Variants in THRAP3 observed in about 807,000 individuals in gnomAD.
THRAP3 encodes the protein thyroid hormone receptor-associated protein 3.
In THRAP3, 16 loss-of-function variants were observed where a neutral mutation model predicts 101.0. The observed-to-expected ratio is 0.16, with a 90% CI of 0.11 to 0.24. The LOEUF is 0.24. THRAP3 is among the 10% of genes least tolerant of loss of function. THRAP3 has a pLI of 1.00. For synonymous variants in THRAP3, 407 were observed against 422.6 expected (o/e 0.96, Z 0.45); for missense variants, 989 against 1,202.7 (o/e 0.82, Z 2.63).
intron 2 of THRAP3, 95 bp downstream of exon 2, chr1:36,259,579 A>G (rs1161099020): frequency 2.5e-6 from 1 of 392,320 alleles, no homozygotes; most frequent in Non-Finnish European, 4.5e-6. Flanking sequence ...AGCCTATGCA[A>G]CATGGTGAGA....
intron 3 of THRAP3, among the ~76,000 whole-genome samples, chr1:36,284,254 A>G (rs951666266): frequency 4.6e-5 from 7 of 152,240 alleles, no homozygotes; most frequent in African/African-American, 1.4e-4. Context: ...GCACTTGCTC[A>G]CTGACTTGGC....
chr1:36,247,953 C>T (rs771951932), intron 1 of THRAP3, among the ~76,000 whole-genome samples: 3 of 149,220 alleles, frequency 2.0e-5, no homozygotes, highest in Non-Finnish European at 4.4e-5. Context: ...GATCTTGGCT[C>T]ACTGCAACCT....
chr1:36,210,902 T>C, the THRAP3 span, among the ~76,000 whole-genome samples: 1 of 147,662 alleles, frequency 6.8e-6, no homozygotes. Flanking sequence ...GTGGTCTAAG[T>C]GTTGGAATTT....
chr1:36,287,058 A>G lies in THRAP3; in HGVS notation c.828A>G (p.Pro276=), dbSNP rs1312073842. ...RPSPVPKPSP[P]LSSTSQMGST... ...GCCCCGTGCCAAAACCTAGTCCTCCACTTTCCAGCACATCCCAGATGGGCT... is the reference window on the plus strand; with the variant it reads ...GCCCCGTGCCAAAACCTAGTCCTCCGCTTTCCAGCACATCCCAGATGGGCT... The change falls in exon 4 of 12, where the codon CCA becomes CCG. Residue 276 remains proline, a synonymous_variant. Coordinates refer to ENST00000354618, the MANE Select transcript of THRAP3 (RefSeq NM_005119.4). The G allele has an allele frequency of 5.6e-6, 9 of 1,613,404 alleles. No homozygotes were observed. The highest frequency in any genetic ancestry group is 2.7e-5 in the African/African-American group (2 of 74,862).
Position 36,286,261 on chromosome 1 carries a change from C to T in THRAP3, c.138-107C>T. 1.7e-6 allele frequency: 2 copies of T among 1,193,046 alleles called. No individual in the cohort carries two copies. Among genetic ancestry groups the T allele is most frequent in the East Asian group, 4.8e-5 (2 of 41,750 alleles). 73.9% of individuals were successfully genotyped at this position (1,193,046 alleles called of 1,614,324 possible). On this transcript the variant is annotated intron_variant, in intron 3 of 11. Coordinates refer to ENST00000354618, the MANE Select transcript of THRAP3 (RefSeq NM_005119.4). The surrounding 1 kb of genome is among the most constrained non-coding windows in gnomAD (Gnocchi z 5.5). ...TTGTGCCCTTGCTTTGAAAACAAAA[C>T]TGAAAGTGAATGACACATAAGGGCA...
intron 1 of THRAP3, among the ~76,000 whole-genome samples, chr1:36,247,384 G>A (rs943689522): frequency 1.3e-5 from 2 of 152,030 alleles, no homozygotes; most frequent in Non-Finnish European, 2.9e-5. Context: ...GAGTGCAGTG[G>A]CGTGATCTTG....
chr1:36,248,092 C>T (rs1645253310), intron 1 of THRAP3, among the ~76,000 whole-genome samples: 2 of 152,086 alleles, frequency 1.3e-5, no homozygotes, highest in African/African-American at 2.4e-5. Context: ...GTTGGCCAAG[C>T]TGGTCTTGAA....
chr1:36,257,023 C>T (rs1645384605), intron 1 of THRAP3, among the ~76,000 whole-genome samples: 1 of 151,832 alleles, frequency 6.6e-6, no homozygotes, highest in African/African-American at 2.4e-5. Flanking sequence ...TCTTGAACTC[C>T]CGACCTCAGG....
At chr1:36,242,595 G>A (rs1306446051) in intron 1 of THRAP3, among the ~76,000 whole-genome samples, 4 of 151,980 alleles carry the variant, frequency 2.6e-5, no homozygotes, top group African/African-American at 9.7e-5. Context: ...TGGGACTACA[G>A]GCGCCAGCCA....
chr1:36,286,008 C>A lies in THRAP3; in HGVS notation c.138-360C>A, dbSNP rs775211338. Among the ~76,000 whole-genome samples, 1 of 152,146 alleles carries A rather than the reference C, an allele frequency of 6.6e-6. No individual in the cohort carries two copies. Among genetic ancestry groups the A allele is most frequent in the African/African-American group, 2.4e-5 (1 of 41,420 alleles). ...CAATGACCTGGAGCCCTGTTAAAAT[C>A]CCCGTGCCTGTGAAACTGTAAGCTA... On this transcript the variant is annotated intron_variant, in intron 3 of 11. Coordinates refer to ENST00000354618, the MANE Select transcript of THRAP3 (RefSeq NM_005119.4). The surrounding 1 kb of genome is among the most constrained non-coding windows in gnomAD (Gnocchi z 5.5).
At chr1:36,275,407 G>A (rs1213767160) in intron 2 of THRAP3, among the ~76,000 whole-genome samples, 2 of 150,240 alleles carry the variant, frequency 1.3e-5, no homozygotes, top group Non-Finnish European at 3.0e-5. Flanking sequence ...CTAACATGGC[G>A]AAACCCTGTC....
chr1:36,224,663 C>A (rs1229906982), intron 1 of THRAP3, among the ~76,000 whole-genome samples, 158 bp downstream of exon 1: 6 of 152,178 alleles, frequency 3.9e-5, no homozygotes, highest in Non-Finnish European at 7.3e-5. Context: ...GAGCGGGCTC[C>A]GTTCCCTCCG....
At chr1:36,242,871 GTTTTC>G (rs963581382) in intron 1 of THRAP3, among the ~76,000 whole-genome samples, 2 of 151,758 alleles carry the variant, frequency 1.3e-5, no homozygotes, top group African/African-American at 4.8e-5. Flanking sequence ...ATTCTCTTCT[GTTTTC>G]TTCTAAAAAT....
At chr1:36,287,814 G>C (rs1645815146) in intron 4 of THRAP3, 4 of 985,440 alleles carry the variant, frequency 4.1e-6, no homozygotes, top group Non-Finnish European at 1.2e-6. Context: ...AAGCCAACAC[G>C]GCTGCGTGTT....
chr1:36,210,703 G>GTATATA, the THRAP3 span, among the ~76,000 whole-genome samples: 8 of 2,718 alleles, frequency 2.9e-3, no homozygotes, highest in South Asian at 0.024. Flanking sequence ...AAAAAAAAAA[G>GTATATA]TATATATATA....
chr1:36,285,459 G>A (rs932859558), intron 3 of THRAP3, among the ~76,000 whole-genome samples: 5 of 152,060 alleles, frequency 3.3e-5, no homozygotes, highest in Non-Finnish European at 5.9e-5. Context: ...ACTCAGGAAT[G>A]TACAGTTAGG....
intron 3 of THRAP3, among the ~76,000 whole-genome samples, chr1:36,285,555 C>T (rs975188263): frequency 2.6e-5 from 4 of 152,136 alleles, no homozygotes; most frequent in Admixed American, 2.6e-4. Context: ...ACAACACTAG[C>T]CTTCTGTGCA....
intron 4 of THRAP3, chr1:36,287,996 T>C (rs1046020243): frequency 6.3e-5 from 58 of 915,646 alleles, no homozygotes; most frequent in African/African-American, 3.1e-4. Context: ...TGGCTCCCCC[T>C]TTTTTTTTCT....
Position 36,256,531 on chromosome 1 carries a change from G to A in THRAP3, c.-134-2851G>A, listed in dbSNP as rs551366119. Among the ~76,000 whole-genome samples, 12 of 152,068 alleles carry A rather than the reference G, an allele frequency of 7.9e-5. No homozygotes were observed. In the South Asian group the frequency reaches 2.3e-3, roughly 29 times the overall value. On this transcript the variant is annotated intron_variant, in intron 1 of 11. Coordinates refer to ENST00000354618, the MANE Select transcript of THRAP3 (RefSeq NM_005119.4). ...TGAGCCACTGCGCCCGACCCTGCCT[G>A]GATTATTTTGGGCATTATCTACTAA...
Sources: allele counts gnomAD v4.1 joint callset (sites outside exome capture counted in the v4.1 genomes callset), GRCh38; gene constraint gnomAD v4.1.1; non-coding constraint Gnocchi (gnomAD v3.1); transcripts MANE v1.5; gene names NCBI Gene and HGNC (gene_info 2026-07-23, HGNC 2026-07-21).